Variants in ENKUR observed in about 807,000 individuals in gnomAD.
ENKUR encodes the protein enkurin.
In ENKUR, 19 loss-of-function variants were observed where a neutral mutation model predicts 27.6. The observed-to-expected ratio is 0.69, with a 90% confidence interval of 0.48 to 1.01. The LOEUF (loss-of-function observed/expected upper bound fraction) is 1.01, where lower values mean the gene tolerates loss of function less well. Among genes scored for constraint, ENKUR ranks in the 50% least tolerant of loss-of-function variants. The pLI is 0.00. For synonymous variants in ENKUR, 117 were observed against 96.9 expected (o/e 1.21, Z -1.22); for missense variants, 312 against 310.5 (o/e 1.00, Z -0.04).
intron 1 of ENKUR, among the ~76,000 whole-genome samples, chr10:25,010,907 G>A (rs1363637753): frequency 1.3e-5 from 2 of 151,482 alleles, no homozygotes; most frequent in Non-Finnish European, 2.9e-5. Flanking sequence ...ATAAACATAC[G>A]TGTGCATGTG....
intron 2 of ENKUR, among the ~76,000 whole-genome samples, chr10:25,050,211 G>A (rs1851170721): frequency 6.6e-6 from 1 of 152,182 alleles, no homozygotes; most frequent in Admixed American, 6.5e-5. Flanking sequence ...CACCACTGGG[G>A]ATCATATTTC....
At chr10:25,046,883 CTG>C (rs1851127430) in intron 2 of ENKUR, among the ~76,000 whole-genome samples, 2 of 152,154 alleles carry the variant, frequency 1.3e-5, no homozygotes, top group African/African-American at 4.8e-5. Flanking sequence ...AGTAAGCCCT[CTG>C]TGTTAATTTC....
At chr10:25,012,818 A>T (rs1435047965) in intron 1 of ENKUR, among the ~76,000 whole-genome samples, 1 of 152,054 alleles carries the variant, frequency 6.6e-6, no homozygotes, top group Admixed American at 6.6e-5. Context: ...ACTTTGGGGG[A>T]CTGTTGGGAA....
upstream of ENKUR, among the ~76,000 whole-genome samples, chr10:25,017,238 C>T (rs1247784730): frequency 6.6e-6 from 1 of 152,224 alleles, no homozygotes; most frequent in Non-Finnish European, 1.5e-5. Context: ...AAATTGTCTT[C>T]TGAGAAGCGG....
At chr10:24,988,368 T>G (rs1437489035) in intron 4 of ENKUR, among the ~76,000 whole-genome samples, 3 of 143,218 alleles carry the variant, frequency 2.1e-5, no homozygotes, top group Non-Finnish European at 3.0e-5. Context: ...GTATATATAT[T>G]TATATATGTA....
At chr10:25,054,513 C>CTTTCTTT (rs1554774507) in intron 2 of ENKUR, among the ~76,000 whole-genome samples, 1 of 71,288 alleles carries the variant, frequency 1.4e-5, no homozygotes, top group African/African-American at 5.6e-5. Flanking sequence ...TTCTTTCTTT[C>CTTTCTTT]CTTTCTTTCT....
chr10:25,013,376 G>A (rs1850495202), intron 1 of ENKUR, among the ~76,000 whole-genome samples: 2 of 152,208 alleles, frequency 1.3e-5, no homozygotes, highest in East Asian at 3.8e-4. Flanking sequence ...AGATTAATGA[G>A]TTGAGATAAA....
rs1588655800 is a variant in ENKUR, at chr10:24,999,346, GT to G, written c.223+54del. ...AATATTCATCAACAATAAAATAATA[GT>G]TAAATCACCTGCTAATGCTTTTAAT... On this transcript the variant is annotated intron_variant, in intron 2 of 5. Transcript: ENST00000331161. 4 of 1,516,718 alleles carry G rather than the reference GT, an allele frequency of 2.6e-6. No homozygotes were observed. The East Asian group carries it at 9.1e-5, about 34-fold the overall frequency. The allele number at this position is 1,516,718 out of a possible 1,614,324, so 94.0% of individuals were successfully genotyped here.
At chr10:25,058,662 G>C (rs192110971) in intron 2 of ENKUR, among the ~76,000 whole-genome samples, 6 of 151,404 alleles carry the variant, frequency 4.0e-5, no homozygotes, top group Non-Finnish European at 8.9e-5. Context: ...CAGGTGCAGT[G>C]GCTCATGCCT....
chr10:25,044,702 A>G (rs1279968521), intron 2 of ENKUR, among the ~76,000 whole-genome samples: 3 of 152,196 alleles, frequency 2.0e-5, no homozygotes, highest in East Asian at 1.9e-4. Context: ...CTGTTGGGTC[A>G]GGTCTTAAAC....
intron 2 of ENKUR, chr10:25,024,667 T>A (rs749227887): frequency 1.2e-6 from 2 of 1,614,250 alleles, no homozygotes. Context: ...GCAGGTAGTT[T>A]ATCATGCTTC....
Position 25,040,186 on chromosome 10 carries a change from A to T in ENKUR, c.37+20926T>A, listed in dbSNP as rs118002490. On this transcript the variant is annotated intron_variant, in intron 2 of 5. Coordinates refer to the ENKUR transcript ENST00000615958. ...GGTATAGGCTCAAAAATCCCAGAAC[A>T]TCATTTCTGCTGCATTCTAGCGGTC... Among the ~76,000 whole-genome samples, 237 of 152,114 alleles carry T rather than the reference A, an allele frequency of 1.6e-3. 1 individual carries two copies. Among genetic ancestry groups the T allele is most frequent in the Non-Finnish European group, 2.1e-3 (143 of 68,014 alleles).
chr10:25,054,504 TCTTTCTTTCCTTTCTTTCTTTCTTTC>T (rs1851227669), intron 2 of ENKUR, among the ~76,000 whole-genome samples: 2 of 122,430 alleles, frequency 1.6e-5, no homozygotes, highest in East Asian at 2.3e-4. Flanking sequence ...TTTCTTTCTT[TCTTTCTTTCCTTTCTTTCTTTCTTTC>T]CTTTCTTTCT....
chr10:25,051,537 G>A (rs985180288), intron 2 of ENKUR, among the ~76,000 whole-genome samples: 1 of 152,142 alleles, frequency 6.6e-6, no homozygotes, highest in East Asian at 1.9e-4. Context: ...CACTGTGAAG[G>A]CAGGAGCAAG....
At chr10:25,025,684 A>G in intron 2 of ENKUR, 1 of 485,540 alleles carries the variant, frequency 2.1e-6, no homozygotes, top group East Asian at 3.5e-5. Context: ...TTGAGCTATC[A>G]TACTTTTGCC....
At chr10:25,025,051 CTT>C in intron 2 of ENKUR, 1 of 1,614,200 alleles carries the variant, frequency 6.2e-7, no homozygotes, top group South Asian at 1.1e-5. Context: ...AGTTGAGAAA[CTT>C]CAGCAGGATT....
At chr10:25,057,426 C>CACAT (rs1851274199) in intron 2 of ENKUR, among the ~76,000 whole-genome samples, 2 of 131,922 alleles carry the variant, frequency 1.5e-5, no homozygotes, top group African/African-American at 6.7e-5. Context: ...CACACACACA[C>CACAT]ACAATGCCCT....
chr10:25,059,063 T>C (rs921699737), intron 2 of ENKUR, among the ~76,000 whole-genome samples: 2 of 150,886 alleles, frequency 1.3e-5, no homozygotes, highest in Non-Finnish European at 3.0e-5. Context: ...TTTTCCCCTT[T>C]GTAGTCTAAT....
At chr10:25,026,346 CAGTA>C (rs1375745787) in intron 2 of ENKUR, 2 of 166,670 alleles carry the variant, frequency 1.2e-5, no homozygotes, top group African/African-American at 4.8e-5. Flanking sequence ...CAGGATGAAA[CAGTA>C]AGCAGAACTA....
Sources: gnomAD v4.1 joint callset for allele counts (sites outside exome capture counted in the v4.1 genomes callset) on GRCh38, gnomAD v4.1.1 for gene constraint, MANE v1.5 for transcripts, NCBI Gene and HGNC (gene_info 2026-07-23, HGNC 2026-07-21) for gene names.